LMBR1: variants seen among roughly 807,000 people sequenced by gnomAD.
LMBR1 encodes the protein limb region 1 protein homolog.
In LMBR1, 52 loss-of-function variants were observed where a neutral mutation model predicts 73.9. That is an observed-to-expected ratio of 0.70 (90% CI 0.56 to 0.89). LMBR1 has a LOEUF of 0.89. LMBR1 is among the 40% of genes least tolerant of loss of function. The probability of loss-of-function intolerance (pLI) is 0.00; values close to 1 mark genes in which losing one functional copy is unlikely to be tolerated. For synonymous variants in LMBR1, 215 were observed against 209.4 expected, an observed-to-expected ratio of 1.03 and a Z score of -0.23; for missense variants, 539 against 579.8, an observed-to-expected ratio of 0.93 and a Z score of 0.72.
At chr7:156,800,238 T>C (rs1830710790) in intron 4 of LMBR1, among the ~76,000 whole-genome samples, 2 of 152,212 alleles carry the variant, frequency 1.3e-5, no homozygotes, top group Non-Finnish European at 2.9e-5. Flanking sequence ...ACAAGTTCAA[T>C]GTCTGGCTTC....
At position 156,680,103 on chromosome 7, in the gene LMBR1, G is replaced by A. The variant is rs1475140491; in HGVS notation, c.*3975C>T. 1 of 150,184 alleles carries A rather than the reference G, an allele frequency of 6.7e-6. No homozygotes were observed. The highest frequency in any genetic ancestry group is 1.5e-5 in the Non-Finnish European group (1 of 67,736). 9.3% of individuals were successfully genotyped at this position (150,184 alleles called of 1,614,324 possible). ...TTGCGTACACAGTACTTTTGCTTCA[G>A]TTGTGTTTGCAGCAATAATTTTTAC... On this transcript the variant is annotated 3_prime_UTR_variant, in exon 17 of 17. Transcript: ENST00000353442.
At chr7:156,892,449 C>G (rs913943769) in intron 1 of LMBR1, 3 of 152,374 alleles carry the variant, frequency 2.0e-5, no homozygotes, top group Non-Finnish European at 2.9e-5. Flanking sequence ...CTCCGGGACG[C>G]CTGCGCATCC....
At chr7:156,762,796 AGT>A (rs1320071786) in intron 7 of LMBR1, among the ~76,000 whole-genome samples, 3 of 150,424 alleles carry the variant, frequency 2.0e-5, no homozygotes, top group Non-Finnish European at 3.0e-5. Context: ...TTTGTGTGTC[AGT>A]GTATGTAAGT....
intron 1 of LMBR1, among the ~76,000 whole-genome samples, chr7:156,880,387 T>C (rs1323182433): frequency 1.3e-5 from 2 of 152,070 alleles, no homozygotes; most frequent in African/African-American, 4.8e-5. Context: ...GACTACAAAC[T>C]GGATTCAGTG....
chr7:156,676,675 T>G, downstream of LMBR1: 1 of 1,593,076 alleles, frequency 6.3e-7, no homozygotes, highest in Non-Finnish European at 8.6e-7. Context: ...CAAGGAAAGT[T>G]AGGTAATTCT....
rs560369592 is a variant in LMBR1 at position 156,816,830 on chromosome 7, T to C, written c.319+9775A>G. Reference sequence around the variant, plus strand: ...TACATCAACATACACACATACATATTCCTTAATAATATTCTATAATTTTGA... The same window carrying C: ...TACATCAACATACACACATACATATCCCTTAATAATATTCTATAATTTTGA... On this transcript the variant is annotated intron_variant, in intron 4 of 16. Transcript: ENST00000353442. Among the ~76,000 whole-genome samples the C allele has an allele frequency of 4.6e-5, 7 of 152,266 alleles. 1 individual carries two copies. Among genetic ancestry groups the C allele is most frequent in the African/African-American group, 1.7e-4 (7 of 41,572 alleles).
intron 4 of LMBR1, among the ~76,000 whole-genome samples, chr7:156,824,481 CA>C (rs1278445048): frequency 6.6e-6 from 1 of 152,058 alleles, no homozygotes; most frequent in Non-Finnish European, 1.5e-5. Flanking sequence ...AACATAATAG[CA>C]ATGAAAAAAG....
intron 1 of LMBR1, among the ~76,000 whole-genome samples, chr7:156,840,361 A>G (rs953706315): frequency 1.3e-5 from 2 of 151,892 alleles, no homozygotes; most frequent in Non-Finnish European, 1.5e-5. Flanking sequence ...CTGAGGAAAG[A>G]GTTGTGGGAC....
Position 156,682,222 on chromosome 7 carries a change from G to GT in LMBR1, c.*1855dup, listed in dbSNP as rs1285884590. The stretch of plus-strand genomic sequence containing the variant: ...GTTGAGCTAAACACTGAAAAGTTTA[G>GT]TATTTTACTTAAAAATTTTCAGACA... On this transcript the variant is annotated 3_prime_UTR_variant, in exon 17 of 17. Coordinates refer to ENST00000353442, the MANE Select transcript of LMBR1 (RefSeq NM_022458.4). The GT allele has an allele frequency of 6.6e-6, 1 of 152,196 alleles. No homozygotes were observed. The highest frequency in any genetic ancestry group is 1.5e-5 in the Non-Finnish European group (1 of 68,046). The allele number at this position is 152,196 out of a possible 1,614,324, so 9.4% of individuals were successfully genotyped here.
At chr7:156,775,263 G>A (rs1200739456) in intron 5 of LMBR1, among the ~76,000 whole-genome samples, 4 of 152,144 alleles carry the variant, frequency 2.6e-5, no homozygotes, top group African/African-American at 9.7e-5. Flanking sequence ...AGCTACTCAG[G>A]AGGCCGAGGC....
At chr7:156,792,777 C>A (rs138461323) in intron 5 of LMBR1, among the ~76,000 whole-genome samples, 1 of 152,354 alleles carries the variant, frequency 6.6e-6, no homozygotes, top group African/African-American at 2.4e-5. Flanking sequence ...CCAATTTCCG[C>A]ATCTCGGCAC....
At position 156,669,078 on chromosome 7, in the gene LMBR1, A is replaced by G. The variant is rs1178880353; in HGVS notation, n.1076T>C. On this transcript the variant is annotated non_coding_transcript_exon_variant, in exon 5 of 5. Transcript: ENST00000430825. This position sits in a 1 kb window ranked among gnomAD's most constrained non-coding sequence, Gnocchi z 4.2. Reference sequence around the variant, plus strand: ...AATATAAATTAGACTCAACTGCATGAAAAGTCTATGCGAACTGCTTTCATG... The same window carrying G: ...AATATAAATTAGACTCAACTGCATGGAAAGTCTATGCGAACTGCTTTCATG... 1 of 152,228 alleles carries G rather than the reference A, an allele frequency of 6.6e-6. No individual in the cohort carries two copies. The allele number at this position is 152,228 out of a possible 1,614,324, so 9.4% of individuals were successfully genotyped here. A position where few individuals can be genotyped will look rare whatever the true frequency, so the allele number is the denominator to read the frequency against.
chr7:156,851,049 C>T (rs149496738), intron 1 of LMBR1, among the ~76,000 whole-genome samples: 212 of 152,260 alleles, frequency 1.4e-3, no homozygotes, highest in Non-Finnish European at 1.8e-3. Flanking sequence ...GCCACTTCAC[C>T]TTCTGTCATG....
At chr7:156,844,496 T>C (rs1353928373) in intron 1 of LMBR1, among the ~76,000 whole-genome samples, 1 of 148,336 alleles carries the variant, frequency 6.7e-6, no homozygotes, top group African/African-American at 2.5e-5. Flanking sequence ...ATGAGTGAAA[T>C]AAAAGAAAGC....
At chr7:156,856,969 A>G (rs1205500698) in intron 1 of LMBR1, among the ~76,000 whole-genome samples, 2 of 152,200 alleles carry the variant, frequency 1.3e-5, no homozygotes, top group Admixed American at 6.5e-5. Flanking sequence ...TTACTTGCAA[A>G]TGTAAATTGC....
intron 1 of LMBR1, among the ~76,000 whole-genome samples, chr7:156,851,336 CCT>C (rs1319815433): frequency 6.6e-6 from 1 of 151,484 alleles, no homozygotes; most frequent in East Asian, 1.9e-4. Context: ...AATAAATTGC[CCT>C]GTGTCTTTCA....
At chr7:156,843,929 C>A (rs1839163059) in intron 1 of LMBR1, among the ~76,000 whole-genome samples, 1 of 151,510 alleles carries the variant, frequency 6.6e-6, no homozygotes, top group Non-Finnish European at 1.5e-5. Context: ...AAACAAGTAA[C>A]CAAAATGCAT....
intron 11 of LMBR1, among the ~76,000 whole-genome samples, 194 bp downstream of exon 11, chr7:156,728,449 AT>A: frequency 1.3e-5 from 2 of 152,280 alleles, no homozygotes; most frequent in East Asian, 3.9e-4. Flanking sequence ...AATCTTCAGA[AT>A]TTTTTTTAAA....
At chr7:156,826,574 A>G in intron 4 of LMBR1, 31 bp downstream of exon 4, 1 of 1,305,944 alleles carries the variant, frequency 7.7e-7, no homozygotes, top group South Asian at 2.0e-5. Flanking sequence ...TAAAATATTA[A>G]TTGTGATTAT....
Sources: allele counts gnomAD v4.1 joint callset (sites outside exome capture counted in the v4.1 genomes callset), GRCh38; gene constraint gnomAD v4.1.1; non-coding constraint Gnocchi (gnomAD v3.1); transcripts MANE v1.5; gene names NCBI Gene and HGNC (gene_info 2026-07-23, HGNC 2026-07-21).